GALK2: variants seen among roughly 807,000 people sequenced by gnomAD.
The protein encoded by GALK2 is galactokinase 2.
A neutral mutation model predicts 52.4 loss-of-function variants in GALK2; 36 were observed. The observed-to-expected ratio is 0.69, with a 90% CI of 0.53 to 0.91. The LOEUF (loss-of-function observed/expected upper bound fraction) is 0.91, where lower values mean the gene tolerates loss of function less well. Among genes scored for constraint, GALK2 ranks in the 40% least tolerant of loss-of-function variants. The pLI is 0.00. For synonymous variants in GALK2, 176 were observed against 199.1 expected (o/e 0.88, Z 0.98); for missense variants, 579 against 559.1 (o/e 1.04, Z -0.36).
rs560787151 is a variant in GALK2, at chr15:49,249,770, C to T, written c.504+10403C>T. ...TAGCTCTAATAAAGAAATCAATGTA[C>T]TTTATGTTCTTAGCTCCCACAATTT... On this transcript the variant is annotated intron_variant, in intron 5 of 9. Coordinates refer to ENST00000560031, the MANE Select transcript of GALK2 (RefSeq NM_002044.4). Among the ~76,000 whole-genome samples the T allele has an allele frequency of 2.0e-5, 3 of 152,294 alleles. No individual in the cohort carries two copies. In the South Asian group the frequency reaches 6.2e-4, roughly 32 times the overall value.
At chr15:49,306,465 A>G (rs1406358732) in intron 8 of GALK2, among the ~76,000 whole-genome samples, 3 of 152,206 alleles carry the variant, frequency 2.0e-5, no homozygotes, top group African/African-American at 7.2e-5. Flanking sequence ...GAAGACAACA[A>G]TAAAATAATA....
chr15:49,331,610 T>A lies in GALK2; in HGVS notation c.*3451T>A, dbSNP rs1409403106. On this transcript the variant is annotated 3_prime_UTR_variant, in exon 10 of 10. Transcript: ENST00000560031. Reference sequence around the variant, plus strand: ...TGAACATGAGTTGTCACTAAATATGTAAAACAGATTTTCTTACATGTGCAT... The same window carrying A: ...TGAACATGAGTTGTCACTAAATATGAAAAACAGATTTTCTTACATGTGCAT... The A allele has an allele frequency of 1.8e-6, 1 of 563,416 alleles. No individual in the cohort carries two copies. The highest frequency in any genetic ancestry group is 3.1e-6 in the Non-Finnish European group (1 of 317,758). 34.9% of individuals were successfully genotyped at this position (563,416 alleles called of 1,614,324 possible).
At chr15:49,297,694 T>C (rs1326643453) in intron 8 of GALK2, among the ~76,000 whole-genome samples, 1 of 152,208 alleles carries the variant, frequency 6.6e-6, no homozygotes, top group Non-Finnish European at 1.5e-5. Context: ...GAGTCATTTC[T>C]CCATTGGTTA....
chr15:49,224,350 A>G (rs529474235), intron 3 of GALK2, among the ~76,000 whole-genome samples: 3 of 152,270 alleles, frequency 2.0e-5, no homozygotes, highest in African/African-American at 7.2e-5. Context: ...ATTAGGTCTC[A>G]CTTGTCAATT....
chr15:49,201,357 C>T (rs1439626018), intron 2 of GALK2, 107 bp downstream of exon 2: 2 of 605,206 alleles, frequency 3.3e-6, no homozygotes, highest in East Asian at 2.9e-5. Context: ...GAATATTTCA[C>T]ATGTATCTAC....
intron 3 of GALK2, among the ~76,000 whole-genome samples, chr15:49,337,563 A>G (rs1402077813): frequency 7.9e-6 from 1 of 127,270 alleles, no homozygotes; most frequent in Non-Finnish European, 1.5e-5. Context: ...TCTGGGATAC[A>G]TGTGCAGAAC....
intron 8 of GALK2, among the ~76,000 whole-genome samples, chr15:49,299,554 A>G (rs911673997): frequency 1.3e-5 from 2 of 152,000 alleles, no homozygotes; most frequent in Non-Finnish European, 2.9e-5. Flanking sequence ...ACACTACTTT[A>G]GCTGTGCCCT....
At chr15:49,338,957 T>G (rs2040242164) in intron 3 of GALK2, among the ~76,000 whole-genome samples, 1 of 152,228 alleles carries the variant, frequency 6.6e-6, no homozygotes, top group Non-Finnish European at 1.5e-5. Flanking sequence ...GAAGTTCTCA[T>G]GCTGTGTTTT....
intron 5 of GALK2, among the ~76,000 whole-genome samples, chr15:49,269,634 G>C (rs752557619): frequency 2.6e-5 from 4 of 151,948 alleles, no homozygotes; most frequent in Non-Finnish European, 4.4e-5. Flanking sequence ...TTTTCCCTAG[G>C]AATTGAAGTT....
rs1328149641 is a variant in GALK2 at position 49,252,906 on chromosome 15, A to T, written c.504+13539A>T. On this transcript the variant is annotated intron_variant, in intron 5 of 9. Coordinates refer to ENST00000560031, the MANE Select transcript of GALK2 (RefSeq NM_002044.4). Reference sequence around the variant, plus strand: ...TTTAATTATTAGATAGTTTAATTAGATAGTTTAAATGTTTAATCTTTTCCA... The same window carrying T: ...TTTAATTATTAGATAGTTTAATTAGTTAGTTTAAATGTTTAATCTTTTCCA... Among the ~76,000 whole-genome samples the T allele has an allele frequency of 1.4e-5, 2 of 144,492 alleles. 1 individual carries two copies. Among genetic ancestry groups the T allele is most frequent in the Non-Finnish European group, 3.1e-5 (2 of 64,296 alleles). 94.8% of individuals were successfully genotyped at this position (144,492 alleles called of 152,430 possible).
At chr15:49,191,536 G>A (rs1355896427) in intron 1 of GALK2, among the ~76,000 whole-genome samples, 3 of 152,040 alleles carry the variant, frequency 2.0e-5, no homozygotes, top group South Asian at 4.1e-4. Flanking sequence ...TTTCTTCATG[G>A]TTAGATTCAG....
At chr15:49,248,411 G>C (rs1412993687) in intron 5 of GALK2, among the ~76,000 whole-genome samples, 1 of 152,158 alleles carries the variant, frequency 6.6e-6, no homozygotes, top group South Asian at 2.1e-4. Flanking sequence ...GCCAGATGTT[G>C]AGTGCTAATG....
At chr15:49,340,380 C>T (rs926880295) in intron 3 of GALK2, among the ~76,000 whole-genome samples, 5 of 150,522 alleles carry the variant, frequency 3.3e-5, no homozygotes, top group African/African-American at 1.2e-4. Flanking sequence ...GCCCCTTGTG[C>T]TTCCTGGGTG....
At chr15:49,360,101 AG>A (rs567696991) in intron 3 of GALK2, among the ~76,000 whole-genome samples, 725 of 67,036 alleles carry the variant, frequency 0.011, 14 homozygotes, top group African/African-American at 0.042. Flanking sequence ...GGGTGGGGGG[AG>A]GGGGGAGGGA....
chr15:49,315,198 G>A (rs1353290097), intron 8 of GALK2, among the ~76,000 whole-genome samples: 1 of 152,108 alleles, frequency 6.6e-6, no homozygotes, highest in Non-Finnish European at 1.5e-5. Context: ...TTGAAGTTTT[G>A]GATTTTTCTT....
In GALK2 at chr15:49,239,210, T is replaced by G. The variant is rs757666021; in HGVS notation, c.358-11T>G. ...CTGAATTACTGTTGCTGTTTTTCCT[T>G]ATATTCTTAGGAACACTTTGGTCTT... On this transcript the variant is annotated splice_polypyrimidine_tract_variant and intron_variant, in intron 4 of 9. Coordinates refer to ENST00000560031, the MANE Select transcript of GALK2 (RefSeq NM_002044.4). The G allele has an allele frequency of 2.5e-6, 4 of 1,612,530 alleles. No individual in the cohort carries two copies. In the South Asian group the frequency reaches 4.4e-5, roughly 18 times the overall value.
intron 3 of GALK2, among the ~76,000 whole-genome samples, chr15:49,352,930 A>C (rs564706904): frequency 2.3e-4 from 35 of 152,282 alleles, no homozygotes; most frequent in African/African-American, 8.4e-4. Flanking sequence ...GTTCTGTCTT[A>C]CTGCAGTGTA....
chr15:49,285,182 G>T (rs1200576905), intron 7 of GALK2, among the ~76,000 whole-genome samples: 1 of 152,036 alleles, frequency 6.6e-6, no homozygotes. Flanking sequence ...AAATCCAGTG[G>T]ATGCTTTTCA....
chr15:49,204,004 A>G (rs1245747061), intron 2 of GALK2, among the ~76,000 whole-genome samples: 3 of 152,098 alleles, frequency 2.0e-5, no homozygotes, highest in South Asian at 4.2e-4. Flanking sequence ...AATCCCAGCT[A>G]CGCAGGGGGC....
Sources: gnomAD v4.1 joint callset for allele counts (sites outside exome capture counted in the v4.1 genomes callset) on GRCh38, gnomAD v4.1.1 for gene constraint, MANE v1.5 for transcripts, NCBI Gene and HGNC (gene_info 2026-07-23, HGNC 2026-07-21) for gene names.